ZNF334: variants seen among roughly 807,000 people sequenced by gnomAD.
The protein encoded by ZNF334 is zinc finger protein 334.
A neutral mutation model predicts 12.4 loss-of-function variants in ZNF334; 14 were observed. That is an observed-to-expected ratio of 1.13 (90% CI 0.74 to 1.76). The LOEUF is 1.76. ZNF334 is among the 40% of genes most tolerant of loss of function. The pLI, the probability that ZNF334 is intolerant of heterozygous loss-of-function variation, is 0.00. For missense variants in ZNF334, 797 were observed against 804.5 expected, an observed-to-expected ratio of 0.99 and a Z score of 0.11; for synonymous variants, 273 against 269.6, an observed-to-expected ratio of 1.01 and a Z score of -0.12.
chr20:46,507,396 G>A (rs539069812), intron 2 of ZNF334, among the ~76,000 whole-genome samples: 5 of 152,094 alleles, frequency 3.3e-5, no homozygotes, highest in African/African-American at 9.7e-5. Context: ...ACACAACCTG[G>A]GTTCCTAGGT....
chr20:46,491,587 TA>T, the ZNF334 span: 1 of 152,856 alleles, frequency 6.5e-6, no homozygotes. Context: ...GTAATGAATG[TA>T]AAAAAACCTT....
rs1166303920 is a variant in ZNF334, at chr20:46,500,045, A to G, written c.*1251T>C. ...TGACCATTCAGCTAATGGGCCAATT[A>G]GCTGAATGACAGAATTAGACCAATT... On this transcript the variant is annotated 3_prime_UTR_variant, in exon 5 of 5. Transcript: ENST00000692313. The G allele has an allele frequency of 6.6e-6, 1 of 152,210 alleles. No homozygotes were observed. Among genetic ancestry groups the G allele is most frequent in the Non-Finnish European group, 1.5e-5 (1 of 68,024 alleles). 9.4% of individuals were successfully genotyped at this position (152,210 alleles called of 1,614,324 possible).
chr20:46,464,897 C>T, the ZNF334 span: 8 of 524,486 alleles, frequency 1.5e-5, no homozygotes, highest in South Asian at 1.0e-4. Context: ...GAATGAGAGA[C>T]TTAAGGAAGC....
chr20:46,477,900 T>C, the ZNF334 span, among the ~76,000 whole-genome samples: 2 of 152,214 alleles, frequency 1.3e-5, no homozygotes, highest in Non-Finnish European at 2.9e-5. Context: ...TAAATATCTT[T>C]CGGTATAACT....
At chr20:46,486,712 T>TATAA in the ZNF334 span, among the ~76,000 whole-genome samples, 29,246 of 152,008 alleles carry the variant, frequency 0.19, 2,959 homozygotes, top group African/African-American at 0.25. Context: ...CAGGGCATAT[T>TATAA]ATAGTTTGAC....
At chr20:46,509,596 T>A (rs2061568724) in intron 2 of ZNF334, 2 of 703,034 alleles carry the variant, frequency 2.8e-6, no homozygotes, top group Non-Finnish European at 2.6e-6. Flanking sequence ...GGGGAATTCA[T>A]CTGCCCACCT....
chr20:46,464,755 T>G, the ZNF334 span: 1 of 501,944 alleles, frequency 2.0e-6, no homozygotes, highest in African/African-American at 2.0e-5. Flanking sequence ...AGGGGCAGTG[T>G]ACGCTGCAGT....
Position 46,513,240 on chromosome 20 carries a change from T to C in ZNF334, c.-739A>G, listed in dbSNP as rs1186695885. The C allele has an allele frequency of 6.6e-6, 1 of 152,244 alleles. No individual in the cohort carries two copies. Among genetic ancestry groups the C allele is most frequent in the African/African-American group, 2.4e-5 (1 of 41,434 alleles). 9.4% of individuals were successfully genotyped at this position (152,244 alleles called of 1,614,324 possible). On this transcript the variant is annotated 5_prime_UTR_variant, in exon 1 of 5. Transcript: ENST00000692313. ...AACCTTTCACCTTCACCAAGCGCCT[T>C]CTTCGGGCAAATCAGGGCCCTAGAG...
chr20:46,467,623 C>T, the ZNF334 span, among the ~76,000 whole-genome samples: 3 of 152,300 alleles, frequency 2.0e-5, no homozygotes, highest in Admixed American at 6.5e-5. Context: ...GAGTCTTCTC[C>T]ACTAAATTAA....
At chr20:46,472,178 C>G in the ZNF334 span, among the ~76,000 whole-genome samples, 4 of 152,142 alleles carry the variant, frequency 2.6e-5, no homozygotes, top group African/African-American at 9.7e-5. Context: ...GATCTGTTTC[C>G]TGTTAACTCT....
the ZNF334 span, among the ~76,000 whole-genome samples, chr20:46,479,582 A>T: frequency 6.6e-6 from 1 of 152,152 alleles, no homozygotes. Flanking sequence ...CAGATATCAG[A>T]CCCTGAAGGA....
chr20:46,509,657 A>T, intron 2 of ZNF334: 1 of 703,022 alleles, frequency 1.4e-6, no homozygotes, highest in Non-Finnish European at 2.6e-6. Context: ...CGGTGAGTTA[A>T]CTTGCGCACA....
rs908585176 is a variant in ZNF334 at position 46,513,177 on chromosome 20, G to T, written c.-676C>A. 2 of 152,248 alleles carry T rather than the reference G, an allele frequency of 1.3e-5. No homozygotes were observed. Among genetic ancestry groups the T allele is most frequent in the African/African-American group, 2.4e-5 (1 of 41,460 alleles). The allele number at this position is 152,248 out of a possible 1,614,324, so 9.4% of individuals were successfully genotyped here. A position where few individuals can be genotyped will look rare whatever the true frequency, so the allele number is the denominator to read the frequency against. On this transcript the variant is annotated 5_prime_UTR_variant, in exon 1 of 5. The change creates a new upstream start codon in the 5' untranslated region. Coordinates refer to ENST00000692313, the MANE Select transcript of ZNF334 (RefSeq NM_001353824.2). Reference sequence around the variant, plus strand: ...GGCTGCAAGACTAAGTGCATCAGCAGAAGTTCTGGAAAGAGGTTCTAGCTA... The same window carrying T: ...GGCTGCAAGACTAAGTGCATCAGCATAAGTTCTGGAAAGAGGTTCTAGCTA...
the ZNF334 span, among the ~76,000 whole-genome samples, chr20:46,462,985 G>A: frequency 3.9e-5 from 6 of 152,168 alleles, no homozygotes; most frequent in South Asian, 2.1e-4. Context: ...GGTGGCTCAC[G>A]CTTGTAATCC....
chr20:46,463,258 TAAAC>T, the ZNF334 span, among the ~76,000 whole-genome samples: 1 of 151,988 alleles, frequency 6.6e-6, no homozygotes, highest in Non-Finnish European at 1.5e-5. Flanking sequence ...CCATCTAAAA[TAAAC>T]AAACAACAAA....
chr20:46,488,421 A>ATTTATATT, the ZNF334 span, among the ~76,000 whole-genome samples: 1 of 112,012 alleles, frequency 8.9e-6, no homozygotes. Flanking sequence ...CTCTTATTTT[A>ATTTATATT]TATATATATA....
the ZNF334 span, among the ~76,000 whole-genome samples, chr20:46,485,844 C>G: frequency 6.6e-6 from 1 of 152,064 alleles, no homozygotes; most frequent in African/African-American, 2.4e-5. Context: ...TCCAAATAAC[C>G]CTGTTTATTC....
At chr20:46,468,679 A>G in the ZNF334 span, among the ~76,000 whole-genome samples, 17 of 152,300 alleles carry the variant, frequency 1.1e-4, no homozygotes, top group African/African-American at 4.1e-4. Flanking sequence ...GGCTGTTGCC[A>G]TGGAAAGAGG....
In ZNF334 at chr20:46,501,554, A is replaced by C. The variant is rs1490050129; in HGVS notation, c.1785T>G (p.Thr595=). ...FSFVEHQRTH[T]GEKPYECNEC... ...CATTACATTCATATGGTTTCTCCCC[A>C]GTGTGAGTTCGCTGATGTTCAACAA... is the stretch of plus-strand genomic sequence containing the variant. Residue 595 remains threonine (T), a synonymous_variant, in exon 5 of 5, where the codon ACT becomes ACG. Coordinates refer to ENST00000692313, the MANE Select transcript of ZNF334 (RefSeq NM_001353824.2). 6.2e-7 allele frequency: 1 copy of C among 1,613,152 alleles called. No individual in the cohort carries two copies. The highest frequency in any genetic ancestry group is 8.5e-7 in the Non-Finnish European group (1 of 1,179,672).
Sources: allele counts gnomAD v4.1 joint callset (sites outside exome capture counted in the v4.1 genomes callset), GRCh38; gene constraint gnomAD v4.1.1; transcripts MANE v1.5; gene names NCBI Gene and HGNC (gene_info 2026-07-23, HGNC 2026-07-21).